C12orf42: variants seen among roughly 807,000 people sequenced by gnomAD.
C12orf42 encodes chromosome 12 open reading frame 42, also known as uncharacterized protein C12orf42.
A neutral mutation model predicts 21.6 loss-of-function variants in C12orf42; 25 were observed. The ratio of observed to expected loss-of-function variants is 1.16; its 90% CI spans 0.84 to 1.62. The LOEUF is 1.62. Among genes scored for constraint, C12orf42 ranks in the 40% most tolerant of loss-of-function variants. C12orf42 has a pLI of 0.00. For missense variants in C12orf42, 483 were observed against 459.3 expected (o/e 1.05, Z -0.47); for synonymous variants, 174 against 175.0 (o/e 0.99, Z 0.05).
the C12orf42 span, among the ~76,000 whole-genome samples, chr12:103,178,917 C>T: frequency 0.026 from 3,992 of 152,246 alleles, 132 homozygotes; most frequent in African/African-American, 0.079. Flanking sequence ...TGTGAAATGA[C>T]TCGCCGAGTG....
At chr12:103,129,691 A>C in the C12orf42 span, among the ~76,000 whole-genome samples, 1 of 152,176 alleles carries the variant, frequency 6.6e-6, no homozygotes, top group African/African-American at 2.4e-5. Flanking sequence ...TTCTCTATTC[A>C]CACTTTCCCA....
chr12:103,096,326 A>AT, the C12orf42 span, among the ~76,000 whole-genome samples: 1 of 152,142 alleles, frequency 6.6e-6, no homozygotes, highest in African/African-American at 2.4e-5. Context: ...ATTTAGGTGT[A>AT]TTTTTTATTA....
chr12:103,077,094 A>C, the C12orf42 span, among the ~76,000 whole-genome samples: 3 of 152,216 alleles, frequency 2.0e-5, no homozygotes, highest in African/African-American at 7.2e-5. Context: ...CATTTTCTCT[A>C]TGTTCAATTT....
chr12:103,434,643 C>CG (rs1422567860), intron 2 of C12orf42, among the ~76,000 whole-genome samples: 47 of 152,206 alleles, frequency 3.1e-4, no homozygotes, highest in African/African-American at 1.1e-3. Flanking sequence ...GGGTGACTGA[C>CG]GCACCTGGAA....
chr12:103,070,539 CACA>C, the C12orf42 span, among the ~76,000 whole-genome samples: 26,245 of 151,652 alleles, frequency 0.17, 2,540 homozygotes, highest in Admixed American at 0.24. Context: ...CACACACACA[CACA>C]CCCGACACAG....
At chr12:103,185,937 T>C in the C12orf42 span, among the ~76,000 whole-genome samples, 1 of 152,166 alleles carries the variant, frequency 6.6e-6, no homozygotes, top group Non-Finnish European at 1.5e-5. Flanking sequence ...ACATGTCCCT[T>C]GAGAAACAGT....
the C12orf42 span, among the ~76,000 whole-genome samples, chr12:103,537,824 A>G: frequency 3.2e-4 from 49 of 152,362 alleles, 1 homozygote; most frequent in Admixed American, 2.3e-3. Context: ...AAGCCTTCAG[A>G]ATAGTTGGAT....
the C12orf42 span, among the ~76,000 whole-genome samples, chr12:103,068,422 T>G: frequency 6.6e-6 from 1 of 152,120 alleles, no homozygotes; most frequent in Admixed American, 6.6e-5. Flanking sequence ...TGTCTTTACT[T>G]GAAGATTATA....
At chr12:103,223,781 T>C in the C12orf42 span, among the ~76,000 whole-genome samples, 1 of 152,180 alleles carries the variant, frequency 6.6e-6, no homozygotes, top group Non-Finnish European at 1.5e-5. Context: ...GGAGCTTAAA[T>C]GGGCTGTACC....
At chr12:103,544,305 T>C in the C12orf42 span, among the ~76,000 whole-genome samples, 1 of 152,242 alleles carries the variant, frequency 6.6e-6, no homozygotes, top group Non-Finnish European at 1.5e-5. Flanking sequence ...AAGTTGACAG[T>C]TACTTTCTCT....
At chr12:103,437,980 T>C (rs1379169505) in intron 2 of C12orf42, among the ~76,000 whole-genome samples, 1 of 150,626 alleles carries the variant, frequency 6.6e-6, no homozygotes, top group Non-Finnish European at 1.5e-5. Flanking sequence ...CCAATATCCC[T>C]GATGAGCATC....
At chr12:103,099,163 G>A in the C12orf42 span, among the ~76,000 whole-genome samples, 1 of 152,226 alleles carries the variant, frequency 6.6e-6, no homozygotes, top group Non-Finnish European at 1.5e-5. Context: ...AGGGCTGTGA[G>A]TTGAAATATG....
chr12:103,279,690 T>C (rs532669237), intron 4 of C12orf42, among the ~76,000 whole-genome samples: 2 of 152,284 alleles, frequency 1.3e-5, no homozygotes, highest in Admixed American at 6.5e-5. Context: ...AGGTGTGTGG[T>C]TGAAGATGAA....
intron 5 of C12orf42, among the ~76,000 whole-genome samples, 170 bp downstream of exon 5, chr12:103,305,804 T>A (rs941738429): frequency 1.3e-5 from 2 of 152,226 alleles, no homozygotes; most frequent in Non-Finnish European, 2.9e-5. Context: ...TCCAATATAA[T>A]GCTTGACAAC....
At chr12:103,376,513 T>A (rs930332779) in intron 3 of C12orf42, among the ~76,000 whole-genome samples, 4 of 152,128 alleles carry the variant, frequency 2.6e-5, no homozygotes, top group Admixed American at 2.0e-4. Flanking sequence ...CCATGGCACA[T>A]GTATACCTAT....
intron 4 of C12orf42, among the ~76,000 whole-genome samples, chr12:103,333,565 A>C (rs992987099): frequency 1.3e-5 from 2 of 152,202 alleles, no homozygotes; most frequent in African/African-American, 4.8e-5. Flanking sequence ...AAGAAGAATA[A>C]AACCATTTTT....
At chr12:103,148,787 G>A in the C12orf42 span, among the ~76,000 whole-genome samples, 1 of 152,174 alleles carries the variant, frequency 6.6e-6, no homozygotes, top group East Asian at 1.9e-4. Flanking sequence ...TACCTACTCT[G>A]GTGAATTAAG....
the C12orf42 span, among the ~76,000 whole-genome samples, chr12:103,535,871 G>C: frequency 6.6e-6 from 1 of 152,102 alleles, no homozygotes; most frequent in Admixed American, 6.6e-5. Flanking sequence ...TAGATTGCCT[G>C]GTCTCAATTG....
chr12:103,133,990 A>G, the C12orf42 span, among the ~76,000 whole-genome samples: 1 of 152,200 alleles, frequency 6.6e-6, no homozygotes, highest in Non-Finnish European at 1.5e-5. Flanking sequence ...GAGTCAATTA[A>G]ACCTCTTTCC....
Sources: allele counts gnomAD v4.1 joint callset (sites outside exome capture counted in the v4.1 genomes callset), GRCh38; gene constraint gnomAD v4.1.1; transcripts MANE v1.5; gene names NCBI Gene and HGNC (gene_info 2026-07-23, HGNC 2026-07-21).